The following ARHGAP24 variants were observed in gnomAD, a reference collection of about 807,000 sequenced individuals.
ARHGAP24 encodes the protein rho GTPase-activating protein 24.
A neutral mutation model predicts 76.4 loss-of-function variants in ARHGAP24; 50 were observed. The ratio of observed to expected loss-of-function variants is 0.65; its 90% CI spans 0.52 to 0.83. The LOEUF (loss-of-function observed/expected upper bound fraction) is 0.83, where lower values mean the gene tolerates loss of function less well. ARHGAP24 is among the 40% of genes least tolerant of loss of function. ARHGAP24 has a pLI of 0.00. For missense variants in ARHGAP24, 930 were observed against 914.2 expected (o/e 1.02, Z -0.22); for synonymous variants, 345 against 323.3 (o/e 1.07, Z -0.72).
At chr4:85,990,306 T>C (rs1740247143) in intron 8 of ARHGAP24, 1 of 151,736 alleles carries the variant, frequency 6.6e-6, no homozygotes, top group Non-Finnish European at 1.5e-5. Context: ...TGTGGAAATA[T>C]ACCCTGCTCA....
chr4:85,863,002 A>G (rs1731987327), intron 3 of ARHGAP24, among the ~76,000 whole-genome samples: 1 of 152,152 alleles, frequency 6.6e-6, no homozygotes, highest in Non-Finnish European at 1.5e-5. Context: ...ATAAGCAAAC[A>G]TAAATCAGAT....
chr4:85,683,105 T>TG (rs1723269220), intron 2 of ARHGAP24, among the ~76,000 whole-genome samples: 2 of 13,198 alleles, frequency 1.5e-4, no homozygotes, highest in Non-Finnish European at 2.6e-4. Context: ...ACTCTCTCAG[T>TG]GTGTGGGGGG....
At chr4:85,687,641 A>T (rs1021117110) in intron 2 of ARHGAP24, among the ~76,000 whole-genome samples, 1 of 152,302 alleles carries the variant, frequency 6.6e-6, no homozygotes, top group South Asian at 2.1e-4. Context: ...TATACCATAT[A>T]TTCTTTATCC....
intron 3 of ARHGAP24, among the ~76,000 whole-genome samples, chr4:85,784,099 T>C (rs919718342): frequency 2.6e-5 from 4 of 152,198 alleles, no homozygotes; most frequent in African/African-American, 7.2e-5. Context: ...TACCACAATA[T>C]TGAAATGACC....
intron 1 of ARHGAP24, among the ~76,000 whole-genome samples, chr4:85,538,158 T>G (rs745419196): frequency 5.3e-5 from 8 of 152,120 alleles, no homozygotes; most frequent in Non-Finnish European, 1.2e-4. Flanking sequence ...TTTTGAGGTA[T>G]GAAGTGAGAT....
intron 5 of ARHGAP24, among the ~76,000 whole-genome samples, chr4:85,945,759 CAAAAA>C (rs35877734): frequency 1.6e-5 from 1 of 62,482 alleles, no homozygotes. Flanking sequence ...GACTCAGCCT[CAAAAA>C]AAAAAAAAAA....
chr4:86,000,180 G>T, intron 9 of ARHGAP24: 1 of 276,222 alleles, frequency 3.6e-6, no homozygotes, highest in Non-Finnish European at 7.0e-6. Flanking sequence ...TCGTCTGCCC[G>T]GCATGTGTTA....
intron 2 of ARHGAP24, among the ~76,000 whole-genome samples, chr4:85,582,546 T>A (rs999830369): frequency 6.6e-6 from 1 of 152,094 alleles, no homozygotes; most frequent in Non-Finnish European, 1.5e-5. Flanking sequence ...TTTAAAACAT[T>A]AGACTGTAGT....
chr4:85,983,451 T>G (rs1739799963), intron 8 of ARHGAP24, among the ~76,000 whole-genome samples: 1 of 152,186 alleles, frequency 6.6e-6, no homozygotes, highest in African/African-American at 2.4e-5. Flanking sequence ...TTTCTTGACT[T>G]TTTAATAATC....
chr4:85,944,894 C>A (rs1737162100), intron 5 of ARHGAP24, among the ~76,000 whole-genome samples: 1 of 152,068 alleles, frequency 6.6e-6, no homozygotes, highest in Non-Finnish European at 1.5e-5. Flanking sequence ...GTTGCCCAGG[C>A]TGGAGTGCAA....
intron 2 of ARHGAP24, among the ~76,000 whole-genome samples, chr4:85,667,193 T>C (rs1204449397): frequency 6.6e-6 from 1 of 152,178 alleles, no homozygotes; most frequent in Non-Finnish European, 1.5e-5. Context: ...TAAGGAAGCC[T>C]GGGCAATGGC....
intron 1 of ARHGAP24, among the ~76,000 whole-genome samples, chr4:85,556,547 A>G (rs1199817444): frequency 6.6e-6 from 1 of 152,196 alleles, no homozygotes; most frequent in East Asian, 1.9e-4. Context: ...GCAATGTCAT[A>G]CATGCTCTGG....
At chr4:85,880,910 AC>A (rs374662764) in intron 3 of ARHGAP24, among the ~76,000 whole-genome samples, 6 of 152,136 alleles carry the variant, frequency 3.9e-5, no homozygotes, top group African/African-American at 1.4e-4. Flanking sequence ...CAGGTGGAAG[AC>A]TCATTCTTAC....
At chr4:85,542,341 G>T (rs1354671196) in intron 1 of ARHGAP24, among the ~76,000 whole-genome samples, 1 of 151,916 alleles carries the variant, frequency 6.6e-6, no homozygotes, top group East Asian at 1.9e-4. Context: ...CAAGTTTTTT[G>T]AATCTCTGGT....
At chr4:85,890,729 G>A (rs186797562) in intron 3 of ARHGAP24, among the ~76,000 whole-genome samples, 1 of 152,312 alleles carries the variant, frequency 6.6e-6, no homozygotes, top group Non-Finnish European at 1.5e-5. Flanking sequence ...AAATGTGTTA[G>A]AAGCTAGACT....
rs78705297 is a variant in ARHGAP24 at position 85,600,020 on chromosome 4, A to C, written c.180+29299A>C. ...ATTAATAACTAAAAATAAATAGTATAGTTATAAACCATGTTAAGTGTTGTA... is the reference window on the plus strand; with the variant it reads ...ATTAATAACTAAAAATAAATAGTATCGTTATAAACCATGTTAAGTGTTGTA... On this transcript the variant is annotated intron_variant, in intron 2 of 9. Coordinates refer to ENST00000395184, the MANE Select transcript of ARHGAP24 (RefSeq NM_001025616.3). Among the ~76,000 whole-genome samples, 657 of 152,288 alleles carry C rather than the reference A, an allele frequency of 4.3e-3. 11 individuals are homozygous for C. In the East Asian group the frequency reaches 0.051, roughly 12 times the overall value.
At chr4:85,631,296 G>C (rs1256789832) in intron 2 of ARHGAP24, among the ~76,000 whole-genome samples, 1 of 151,968 alleles carries the variant, frequency 6.6e-6, no homozygotes, top group Non-Finnish European at 1.5e-5. Context: ...TACAATATCT[G>C]TTTACTCTTT....
intron 2 of ARHGAP24, among the ~76,000 whole-genome samples, chr4:85,678,483 C>T (rs1032039121): frequency 1.3e-5 from 2 of 152,184 alleles, no homozygotes; most frequent in Middle Eastern, 3.4e-3. Context: ...ATAGTACTTT[C>T]AAAAAGAATT....
chr4:85,899,859 G>A (rs1041526491), intron 3 of ARHGAP24, among the ~76,000 whole-genome samples: 9 of 152,302 alleles, frequency 5.9e-5, no homozygotes, highest in African/African-American at 2.2e-4. Context: ...ACCAGCCTGG[G>A]CAATGTAGGG....
Sources: allele counts gnomAD v4.1 joint callset (sites outside exome capture counted in the v4.1 genomes callset), GRCh38; gene constraint gnomAD v4.1.1; transcripts MANE v1.5; gene names NCBI Gene and HGNC (gene_info 2026-07-23, HGNC 2026-07-21).